Variants in AP1G1 observed in about 807,000 individuals in gnomAD.
AP1G1 encodes AP-1 complex subunit gamma-1.
A neutral mutation model predicts 108.3 loss-of-function variants in AP1G1; 7 were observed. That is an observed-to-expected ratio of 0.06 (90% CI 0.04 to 0.12). The LOEUF (loss-of-function observed/expected upper bound fraction) is 0.12. AP1G1 is among the 10% of genes least tolerant of loss of function. AP1G1 has a pLI of 1.00. For synonymous variants in AP1G1, 379 were observed against 353.5 expected, an observed-to-expected ratio of 1.07 and a Z score of -0.81; for missense variants, 756 against 1,010.7, an observed-to-expected ratio of 0.75 and a Z score of 3.42.
At position 71,789,163 on chromosome 16, in the gene AP1G1, A is replaced by G; in HGVS notation, c.201+116T>C. The G allele has an allele frequency of 7.4e-6, 7 of 946,412 alleles. No homozygotes were observed. The South Asian group carries it at 7.6e-5, about 10-fold the overall frequency. 58.6% of individuals were successfully genotyped at this position (946,412 alleles called of 1,614,324 possible). A position where few individuals can be genotyped will look rare whatever the true frequency, so the allele number is the denominator to read the frequency against. ...CTCTCTCAATCTTACCCTCAGTTCC[A>G]CAATGATCAGACTACAAGGCTATCA... On this transcript the variant is annotated intron_variant, in intron 2 of 22. Coordinates refer to ENST00000299980, the MANE Select transcript of AP1G1 (RefSeq NM_001128.6).
intron 2 of AP1G1, among the ~76,000 whole-genome samples, chr16:71,780,463 C>T (rs73582278): frequency 0.036 from 5,307 of 148,564 alleles, 312 homozygotes; most frequent in African/African-American, 0.13. Flanking sequence ...TGCACTCCAG[C>T]CTGAGTGACA....
In AP1G1 at chr16:71,753,907, G is replaced by T; in HGVS notation, c.1230-20C>A. 6.2e-7 allele frequency: 1 copy of T among 1,611,798 alleles called. No individual in the cohort carries two copies. Among genetic ancestry groups the T allele is most frequent in the South Asian group, 1.1e-5 (1 of 90,984 alleles). On this transcript the variant is annotated intron_variant, in intron 12 of 22. Transcript: ENST00000299980. The stretch of plus-strand genomic sequence containing the variant: ...GCATACCTGAAAAAAACAATGGAAA[G>T]GGACACTTGGAACCAGTAAAATATA...
intron 1 of AP1G1, among the ~76,000 whole-genome samples, chr16:71,802,185 G>C (rs1370974444): frequency 1.3e-5 from 2 of 152,110 alleles, no homozygotes; most frequent in African/African-American, 4.8e-5. Flanking sequence ...TACAGCTCAA[G>C]TTAGTGAACC....
chr16:71,756,407 A>C, intron 11 of AP1G1: 1 of 327,702 alleles, frequency 3.1e-6, no homozygotes, highest in Non-Finnish European at 5.5e-6. Context: ...TATACCACTA[A>C]TGTCCAAACA....
At chr16:71,736,384 C>CA (rs1184806200) in intron 21 of AP1G1, among the ~76,000 whole-genome samples, 2 of 135,140 alleles carry the variant, frequency 1.5e-5, no homozygotes, top group Non-Finnish European at 3.2e-5. Flanking sequence ...TAAAATATGA[C>CA]TTTTTTTTTT....
intron 21 of AP1G1, among the ~76,000 whole-genome samples, chr16:71,735,650 C>T (rs1397782323): frequency 1.8e-4 from 27 of 149,304 alleles, no homozygotes; most frequent in South Asian, 4.2e-4. Context: ...AGCAAGACTC[C>T]GTCTCAAAAA....
At chr16:71,758,556 C>T in intron 11 of AP1G1, 1 of 600,650 alleles carries the variant, frequency 1.7e-6, no homozygotes, top group Non-Finnish European at 3.2e-6. Flanking sequence ...ATCAAAGAGC[C>T]AAGGACAACT....
chr16:71,805,014 C>A (rs145696129), intron 1 of AP1G1, among the ~76,000 whole-genome samples: 3,458 of 150,632 alleles, frequency 0.023, 51 homozygotes, highest in Middle Eastern at 0.072. Context: ...CTGTCTCAAT[C>A]AATCAATCAA....
At chr16:71,777,106 C>CAAAAAAAAAAA (rs57955419) in intron 2 of AP1G1, among the ~76,000 whole-genome samples, 3 of 48,062 alleles carry the variant, frequency 6.2e-5, no homozygotes, top group Non-Finnish European at 6.9e-5. Flanking sequence ...CAAACTGTTA[C>CAAAAAAAAAAA]AAAAAAAAAA....
At chr16:71,737,933 A>C (rs964033035) in intron 21 of AP1G1, among the ~76,000 whole-genome samples, 1 of 152,274 alleles carries the variant, frequency 6.6e-6, no homozygotes, top group African/African-American at 2.4e-5. Flanking sequence ...TTTCTGTACT[A>C]TAAGAGCAGA....
Position 71,733,010 on chromosome 16 carries a change from G to A in AP1G1, c.*48C>T, listed in dbSNP as rs2145404132. ...GCCAGCAATCACAACCTCCTTCCCA[G>A]AGTTCCTTTGATTGAGTGGGATAAA... On this transcript the variant is annotated 3_prime_UTR_variant, in exon 23 of 23. Coordinates refer to ENST00000299980, the MANE Select transcript of AP1G1 (RefSeq NM_001128.6). The A allele has an allele frequency of 6.7e-7, 1 of 1,490,618 alleles. No individual in the cohort carries two copies. Among genetic ancestry groups the A allele is most frequent in the East Asian group, 2.3e-5 (1 of 44,152 alleles). 92.3% of individuals were successfully genotyped at this position (1,490,618 alleles called of 1,614,324 possible). A position where few individuals can be genotyped will look rare whatever the true frequency, so the allele number is the denominator to read the frequency against.
Position 71,731,549 on chromosome 16 carries a change from GT to G in AP1G1, c.*1508del, listed in dbSNP as rs1256109432. The G allele has an allele frequency of 6.6e-6, 1 of 152,582 alleles. No individual in the cohort carries two copies. The highest frequency in any genetic ancestry group is 1.5e-5 in the Non-Finnish European group (1 of 68,028). The allele number at this position is 152,582 out of a possible 1,614,324, so 9.5% of individuals were successfully genotyped here. A position where few individuals can be genotyped will look rare whatever the true frequency, so the allele number is the denominator to read the frequency against. Reference sequence around the variant, plus strand: ...GTGGGCCTCACTTTTTCTTTCTTCAGTATATAAGACATGGCGCCTGAATACT... The same window carrying G: ...GTGGGCCTCACTTTTTCTTTCTTCAGATATAAGACATGGCGCCTGAATACT... On this transcript the variant is annotated 3_prime_UTR_variant, in exon 23 of 23. Transcript: ENST00000299980.
At chr16:71,780,259 G>A (rs2031961369) in intron 2 of AP1G1, among the ~76,000 whole-genome samples, 1 of 151,978 alleles carries the variant, frequency 6.6e-6, no homozygotes, top group African/African-American at 2.4e-5. Flanking sequence ...CTCGTGCTGG[G>A]ATTACAGGCG....
chr16:71,807,981 G>A (rs2033054057), intron 1 of AP1G1: 1 of 1,231,714 alleles, frequency 8.1e-7, no homozygotes, highest in Non-Finnish European at 1.0e-6. Flanking sequence ...CATTTAATCT[G>A]CTTCATAAAC....
At chr16:71,768,976 T>TAAAAAAAAAAAAAAAAAAAA (rs1567652782) in intron 6 of AP1G1, among the ~76,000 whole-genome samples, 1 of 32,258 alleles carries the variant, frequency 3.1e-5, no homozygotes, top group African/African-American at 1.3e-4. Context: ...AAAAAAAAAA[T>TAAAAAAAAAAAAAAAAAAAA]ACAAAAAAAA....
intron 10 of AP1G1, 39 bp from the exon 11 acceptor site, chr16:71,758,960 A>C (rs2030941208): frequency 8.5e-7 from 1 of 1,179,186 alleles, no homozygotes; most frequent in South Asian, 1.3e-5. Context: ...GTTAAAATGT[A>C]AAATTCAGGA....
At chr16:71,763,487 A>T (rs1191468970) in intron 9 of AP1G1, among the ~76,000 whole-genome samples, 1 of 152,226 alleles carries the variant, frequency 6.6e-6, no homozygotes, top group Non-Finnish European at 1.5e-5. Context: ...TCACTTAAAA[A>T]TGCTTAAAAT....
At chr16:71,760,038 A>G (rs1462711998) in intron 10 of AP1G1, among the ~76,000 whole-genome samples, 1 of 151,882 alleles carries the variant, frequency 6.6e-6, no homozygotes, top group African/African-American at 2.4e-5. Context: ...TTATTTATGT[A>G]TTTATTTTTT....
At chr16:71,757,929 G>C (rs745807046) in intron 11 of AP1G1, among the ~76,000 whole-genome samples, 4 of 152,156 alleles carry the variant, frequency 2.6e-5, no homozygotes, top group Admixed American at 6.5e-5. Flanking sequence ...CTGTTAATTA[G>C]GGATAGAAGT....
Sources: allele counts gnomAD v4.1 joint callset (sites outside exome capture counted in the v4.1 genomes callset), GRCh38; gene constraint gnomAD v4.1.1; transcripts MANE v1.5; gene names NCBI Gene and HGNC (gene_info 2026-07-23, HGNC 2026-07-21).